The following TTC1 variants were observed in gnomAD, a reference collection of about 807,000 sequenced individuals.
The protein encoded by TTC1 is tetratricopeptide repeat domain 1.
In TTC1, 31 loss-of-function variants were observed where a neutral mutation model predicts 37.6. That is an observed-to-expected ratio of 0.82 (90% CI 0.62 to 1.11). The LOEUF (loss-of-function observed/expected upper bound fraction) is 1.11, where lower values mean the gene tolerates loss of function less well. TTC1 is among the 50% of genes most tolerant of loss of function. The pLI, the probability that TTC1 is intolerant of heterozygous loss-of-function variation, is 0.00. For synonymous variants in TTC1, 127 were observed against 122.4 expected (o/e 1.04, Z -0.25); for missense variants, 351 against 339.0 (o/e 1.04, Z -0.28).
At chr5:160,044,667 T>C (rs557102917) in intron 5 of TTC1, among the ~76,000 whole-genome samples, 38 of 152,336 alleles carry the variant, frequency 2.5e-4, no homozygotes, top group African/African-American at 8.2e-4. Context: ...CATCTTGGCT[T>C]TGGTGGGCTT....
At chr5:160,064,891 T>C in intron 7 of TTC1, 41 bp from the exon 8 acceptor site, 1 of 1,591,530 alleles carries the variant, frequency 6.3e-7, no homozygotes, top group Non-Finnish European at 8.5e-7. Flanking sequence ...CTGCTTCTGT[T>C]CATTCCTGTA....
intron 4 of TTC1, among the ~76,000 whole-genome samples, chr5:160,041,282 T>G (rs1757087948): frequency 6.6e-6 from 1 of 151,812 alleles, no homozygotes; most frequent in African/African-American, 2.4e-5. Flanking sequence ...CCATTTATTA[T>G]CAAGTATTAT....
At chr5:160,058,734 T>G (rs758919665) in intron 7 of TTC1, among the ~76,000 whole-genome samples, 1 of 152,134 alleles carries the variant, frequency 6.6e-6, no homozygotes, top group Non-Finnish European at 1.5e-5. Flanking sequence ...TCTTAAATAA[T>G]AAGACTATAA....
intron 7 of TTC1, among the ~76,000 whole-genome samples, chr5:160,052,654 TCTC>T (rs1253926216): frequency 6.6e-6 from 1 of 151,304 alleles, no homozygotes. Context: ...AAGGCATTGG[TCTC>T]TTAGTCCATT....
At chr5:160,020,622 T>C (rs1756688383) in intron 2 of TTC1, among the ~76,000 whole-genome samples, 2 of 152,208 alleles carry the variant, frequency 1.3e-5, no homozygotes, top group African/African-American at 4.8e-5. Context: ...CCACCTCATG[T>C]CATATCCATG....
intron 5 of TTC1, among the ~76,000 whole-genome samples, chr5:160,045,883 C>T (rs760967222): frequency 5.3e-5 from 8 of 152,078 alleles, no homozygotes; most frequent in Non-Finnish European, 8.8e-5. Flanking sequence ...GCTGGGACTA[C>T]GGGCGCATGC....
At position 160,024,184 on chromosome 5, in the gene TTC1, T is replaced by G. The variant is rs1446978526; in HGVS notation, c.331-10956T>G. 5 of 533,944 alleles carry G rather than the reference T, an allele frequency of 9.4e-6. No individual in the cohort carries two copies. In the East Asian group the frequency reaches 1.5e-4, roughly 16 times the overall value. 33.1% of individuals were successfully genotyped at this position (533,944 alleles called of 1,614,324 possible). A position where few individuals can be genotyped will look rare whatever the true frequency, so the allele number is the denominator to read the frequency against. On this transcript the variant is annotated intron_variant, in intron 2 of 7. Transcript: ENST00000231238. ...AAACTCTCATTACTGAGGTAGGGGT[T>G]TAATGTCCTTACTGGAGACTATATT...
At chr5:160,009,682 A>G (rs765338963) in intron 1 of TTC1, among the ~76,000 whole-genome samples, 6 of 152,064 alleles carry the variant, frequency 3.9e-5, no homozygotes, top group Non-Finnish European at 7.4e-5. Flanking sequence ...GAGCAGTGGT[A>G]TTTTCTAAAG....
Position 160,032,702 on chromosome 5 carries a change from C to CTTTTTTTTTTT in TTC1, c.331-2418_331-2408dup, listed in dbSNP as rs70987990. Among the ~76,000 whole-genome samples, 37 of 74,712 alleles carry CTTTTTTTTTTT rather than the reference C, an allele frequency of 5.0e-4. 5 individuals carry two copies. The highest frequency in any genetic ancestry group is 7.0e-4 in the Non-Finnish European group (28 of 39,966). The allele number at this position is 74,712 out of a possible 152,430, so 49.0% of individuals were successfully genotyped here. A position where few individuals can be genotyped will look rare whatever the true frequency, so the allele number is the denominator to read the frequency against. ...AGCCTCCTTGAGTTCTACCTGCTTTCTTTTTTTTTTTTTTTTTTTTTTTTT... is the reference window on the plus strand; with the variant it reads ...AGCCTCCTTGAGTTCTACCTGCTTTCTTTTTTTTTTTTTTTTTTTTTTTTTTTTTTTTTTTT... On this transcript the variant is annotated intron_variant, in intron 2 of 7. Coordinates refer to ENST00000231238, the MANE Select transcript of TTC1 (RefSeq NM_003314.3).
intron 4 of TTC1, chr5:160,038,965 G>A (rs1447719512): frequency 6.6e-6 from 1 of 152,186 alleles, no homozygotes; most frequent in Non-Finnish European, 1.5e-5. Context: ...CCGGCCTTAA[G>A]TTGCATTTTT....
intron 4 of TTC1, among the ~76,000 whole-genome samples, chr5:160,041,487 A>AT (rs1757092096): frequency 6.6e-6 from 1 of 150,636 alleles, no homozygotes; most frequent in South Asian, 2.1e-4. Flanking sequence ...ATTTTTTTGT[A>AT]TTTTTTCTAG....
intron 2 of TTC1, among the ~76,000 whole-genome samples, chr5:160,033,580 GA>G (rs1211383545): frequency 6.6e-6 from 1 of 152,224 alleles, no homozygotes; most frequent in Non-Finnish European, 1.5e-5. Context: ...AAAAGAGGTT[GA>G]ATTGACTCAC....
chr5:160,064,002 T>C, intron 7 of TTC1, among the ~76,000 whole-genome samples: 1 of 128,210 alleles, frequency 7.8e-6, no homozygotes, highest in African/African-American at 3.0e-5. Context: ...GGAGTCTCAC[T>C]CTGTCACCCA....
At chr5:160,026,450 A>C (rs758287516) in intron 2 of TTC1, among the ~76,000 whole-genome samples, 1 of 152,196 alleles carries the variant, frequency 6.6e-6, no homozygotes, top group African/African-American at 2.4e-5. Flanking sequence ...CTCTGAATTC[A>C]GTCAGTTTTT....
intron 6 of TTC1, among the ~76,000 whole-genome samples, chr5:160,050,144 G>T (rs1016172505): frequency 2.0e-5 from 3 of 151,950 alleles, no homozygotes; most frequent in African/African-American, 7.3e-5. Context: ...GTAAGACTTT[G>T]TATCTTAAAA....
At chr5:160,014,943 G>GT (rs1249722704) in intron 2 of TTC1, among the ~76,000 whole-genome samples, 1 of 152,148 alleles carries the variant, frequency 6.6e-6, no homozygotes. Context: ...CCTGGTTCCT[G>GT]TTACAGAGCC....
At chr5:160,032,125 A>G (rs1406552568) in intron 2 of TTC1, among the ~76,000 whole-genome samples, 1 of 152,208 alleles carries the variant, frequency 6.6e-6, no homozygotes, top group East Asian at 1.9e-4. Context: ...TTTCCCAAAG[A>G]ATGATTGGTC....
intron 4 of TTC1, among the ~76,000 whole-genome samples, chr5:160,040,463 C>T (rs1413062217): frequency 6.6e-6 from 1 of 152,018 alleles, no homozygotes; most frequent in African/African-American, 2.4e-5. Flanking sequence ...AATAAATTCA[C>T]CTTGGTTTAC....
At chr5:160,052,635 T>C (rs1387678313) in intron 7 of TTC1, among the ~76,000 whole-genome samples, 1 of 149,886 alleles carries the variant, frequency 6.7e-6, no homozygotes, top group Non-Finnish European at 1.5e-5. Flanking sequence ...ATGGCCATAG[T>C]GGATCTGGAA....
Sources: gnomAD v4.1 joint callset for allele counts (sites outside exome capture counted in the v4.1 genomes callset) on GRCh38, gnomAD v4.1.1 for gene constraint, MANE v1.5 for transcripts, NCBI Gene and HGNC (gene_info 2026-07-23, HGNC 2026-07-21) for gene names.